DBT: variants seen among roughly 807,000 people sequenced by gnomAD.
DBT encodes dihydrolipoamide branched chain transacylase E2.
In DBT, 40 loss-of-function variants were observed where a neutral mutation model predicts 51.3. The ratio of observed to expected loss-of-function variants is 0.78; its 90% CI spans 0.61 to 1.02. The LOEUF is 1.02. Ranked by LOEUF, DBT falls within the 50% of genes least tolerant of loss-of-function variation. The pLI is 0.00. For synonymous variants in DBT, 181 were observed against 190.4 expected, an observed-to-expected ratio of 0.95 and a Z score of 0.41; for missense variants, 510 against 580.2, an observed-to-expected ratio of 0.88 and a Z score of 1.24.
Position 100,249,782 on chromosome 1 carries a change from A to T in DBT, c.39T>A (p.Asn13Lys), listed in dbSNP as rs1431500513. The change falls in exon 1 of 11, where the codon AAT becomes AAA. Residue 13 changes from asparagine to lysine, a missense_variant. Transcript: ENST00000370132. The stretch of plus-strand genomic sequence containing the variant: ...CAAACGTGCTTACCAGCTTCCCCGC[A>T]TTCCTGCTCCAGGTTCTCAGCATAC... ...AVRMLRTWSR[N>K]AGKLICVRYF... 2 of 1,614,058 alleles carry T rather than the reference A, an allele frequency of 1.2e-6. No homozygotes were observed. The highest frequency in any genetic ancestry group is 1.7e-6 in the Non-Finnish European group (2 of 1,180,030).
At chr1:100,220,452 ATCT>A (rs1047418603) in intron 4 of DBT, among the ~76,000 whole-genome samples, 2 of 152,184 alleles carry the variant, frequency 1.3e-5, no homozygotes, top group African/African-American at 2.4e-5. Flanking sequence ...GTAAATAAAA[ATCT>A]TCTACTACTG....
Position 100,226,091 on chromosome 1 carries a change from C to T in DBT, c.433+4642G>A, listed in dbSNP as rs539487464. Among the ~76,000 whole-genome samples the T allele has an allele frequency of 4.3e-4, 65 of 152,220 alleles. 1 individual carries two copies. Among genetic ancestry groups the T allele is most frequent in the Admixed American group, 1.6e-3 (24 of 15,292 alleles). ...TAGATAACTTAAATTGGTATCTAAT[C>T]TGGTTTCCAGCTTGGACATTCTAAT... On this transcript the variant is annotated intron_variant, in intron 4 of 10. Coordinates refer to ENST00000370132, the MANE Select transcript of DBT (RefSeq NM_001918.5).
chr1:100,231,304 G>C (rs914275843), intron 3 of DBT, among the ~76,000 whole-genome samples: 1 of 152,136 alleles, frequency 6.6e-6, no homozygotes. Flanking sequence ...AGTTTAAAAA[G>C]TGATGTCCTC....
In DBT at chr1:100,196,241, TG is replaced by T. The variant is rs1202737602; in HGVS notation, c.*13del. The T allele has an allele frequency of 6.2e-7, 1 of 1,612,346 alleles. No individual in the cohort carries two copies. The stretch of plus-strand genomic sequence containing the variant: ...TTTGGAAGCTCAAAAAGTTCAAGAA[TG>T]TCTTATCAGTCTTCATTTCAGATCT... On this transcript the variant is annotated 3_prime_UTR_variant, in exon 11 of 11. Coordinates refer to ENST00000370132, the MANE Select transcript of DBT (RefSeq NM_001918.5).
intron 10 of DBT, among the ~76,000 whole-genome samples, chr1:100,200,578 AAGTGGGTCTCTGACCCCC>A (rs1292075969): frequency 6.6e-6 from 1 of 152,220 alleles, no homozygotes; most frequent in Admixed American, 6.5e-5. Flanking sequence ...CTGCCTCCTC[AAGTGGGTCTCTGACCCCC>A]ATGCCTCCTG....
chr1:100,249,249 A>G (rs982156427), intron 1 of DBT: 4 of 241,326 alleles, frequency 1.7e-5, no homozygotes, highest in African/African-American at 9.1e-5. Flanking sequence ...AAGGGTAGGA[A>G]TGATATGTGG....
At chr1:100,216,340 C>G in intron 5 of DBT, 141 bp from the exon 6 acceptor site, 1 of 682,168 alleles carries the variant, frequency 1.5e-6, no homozygotes, top group Non-Finnish European at 2.6e-6. Flanking sequence ...TCATTTTCTA[C>G]TTAAGTAATC....
Position 100,191,783 on chromosome 1 carries a change from CACACACACACACACACACACACACAG to C in DBT, c.*4446_*4471del, listed in dbSNP as rs1256999851. 6 of 42,686 alleles carry C rather than the reference CACACACACACACACACACACACACAG, an allele frequency of 1.4e-4. No homozygotes were observed. Among genetic ancestry groups the C allele is most frequent in the African/African-American group, 2.2e-4 (4 of 18,110 alleles). 2.6% of individuals were successfully genotyped at this position (42,686 alleles called of 1,614,324 possible). ...ACACACACACACACACACACACACACACACACACACACACACACACACACAGAGTCTTGCTCTGTCGCCCAGGCTGG... is the reference window on the plus strand; with the variant it reads ...ACACACACACACACACACACACACACAGTCTTGCTCTGTCGCCCAGGCTGG... On this transcript the variant is annotated 3_prime_UTR_variant, in exon 11 of 11. Coordinates refer to ENST00000370132, the MANE Select transcript of DBT (RefSeq NM_001918.5).
At chr1:100,197,430 G>A (rs1196819055) in intron 10 of DBT, among the ~76,000 whole-genome samples, 1 of 152,188 alleles carries the variant, frequency 6.6e-6, no homozygotes, top group African/African-American at 2.4e-5. Context: ...GAGGAAAGGA[G>A]CAGGAGCTCA....
At position 100,210,623 on chromosome 1, in the gene DBT, T is replaced by C. The variant is rs1662078640; in HGVS notation, c.1017+71A>G. The C allele has an allele frequency of 2.5e-6, 4 of 1,601,410 alleles. No individual in the cohort carries two copies. In the South Asian group the frequency reaches 4.5e-5, roughly 18 times the overall value. ...ATCACTATTTGAGGTACAATAGAAGTCTCTAATCTACAAGCACATTTGCCC... is the reference window on the plus strand; with the variant it reads ...ATCACTATTTGAGGTACAATAGAAGCCTCTAATCTACAAGCACATTTGCCC... On this transcript the variant is annotated intron_variant, in intron 8 of 10. Transcript: ENST00000370132.
At chr1:100,229,387 C>T (rs896900300) in intron 4 of DBT, among the ~76,000 whole-genome samples, 1 of 151,836 alleles carries the variant, frequency 6.6e-6, no homozygotes, top group South Asian at 2.1e-4. Flanking sequence ...AGGATGGTCT[C>T]GATCTCTTGA....
chr1:100,194,847 T>TAGA lies in DBT; in HGVS notation c.*1407_*1408insTCT, dbSNP rs1288158586. On this transcript the variant is annotated 3_prime_UTR_variant, in exon 11 of 11. Coordinates refer to ENST00000370132, the MANE Select transcript of DBT (RefSeq NM_001918.5). The stretch of plus-strand genomic sequence containing the variant: ...AAACCAAGTAGATATTAAAACAACC[T>TAGA]TTTTTCTGTCACAAAACTTCACTTA... 6.6e-6 allele frequency: 1 copy of TAGA among 152,186 alleles called. No homozygotes were observed. The highest frequency in any genetic ancestry group is 2.4e-5 in the African/African-American group (1 of 41,444). The allele number at this position is 152,186 out of a possible 1,614,324, so 9.4% of individuals were successfully genotyped here. A position where few individuals can be genotyped will look rare whatever the true frequency, so the allele number is the denominator to read the frequency against.
chr1:100,213,547 G>A lies in DBT; in HGVS notation c.939+1270C>T, dbSNP rs1249785464. The A allele has an allele frequency of 3.2e-6, 5 of 1,563,998 alleles. No individual in the cohort carries two copies. In the African/African-American group the frequency reaches 5.4e-5, roughly 17 times the overall value. On this transcript the variant is annotated intron_variant, in intron 7 of 10. Transcript: ENST00000370132. ...GCTGTCCCGTCTGCAGGGTCGGGGG[G>A]CTGCAGGACTGCTTCACCTTCCTGG...
At chr1:100,198,767 G>A (rs1661255856) in intron 10 of DBT, among the ~76,000 whole-genome samples, 1 of 152,130 alleles carries the variant, frequency 6.6e-6, no homozygotes, top group Non-Finnish European at 1.5e-5. Context: ...AGAAGGGAAA[G>A]TGGATGCCAG....
At chr1:100,218,936 G>GC (rs1553231091) in intron 4 of DBT, among the ~76,000 whole-genome samples, 189 bp from the exon 5 acceptor site, 1 of 150,840 alleles carries the variant, frequency 6.6e-6, no homozygotes, top group African/African-American at 2.4e-5. Flanking sequence ...GTAGAGTGGG[G>GC]GGGGGGGTGT....
intron 8 of DBT, among the ~76,000 whole-genome samples, chr1:100,207,128 T>C (rs375517422): frequency 6.6e-6 from 1 of 152,304 alleles, no homozygotes. Context: ...ATAGGCTATT[T>C]CCCAACATCG....
chr1:100,206,353 G>A (rs1326519752), intron 9 of DBT, 52 bp from the exon 10 acceptor site: 7 of 1,571,686 alleles, frequency 4.5e-6, no homozygotes, highest in Non-Finnish European at 5.2e-6. Flanking sequence ...GATTTTTCAG[G>A]GAACAAATGC....
At chr1:100,203,389 G>A (rs191335855) in intron 10 of DBT, among the ~76,000 whole-genome samples, 41 of 152,240 alleles carry the variant, frequency 2.7e-4, no homozygotes, top group African/African-American at 9.4e-4. Flanking sequence ...ACCCTCCCAA[G>A]ACTAAATCAG....
At chr1:100,197,527 T>G (rs1227595949) in intron 10 of DBT, among the ~76,000 whole-genome samples, 1 of 152,124 alleles carries the variant, frequency 6.6e-6, no homozygotes, top group Non-Finnish European at 1.5e-5. Context: ...AGTCTAGAGA[T>G]ATAAACCTGG....
Sources: allele counts gnomAD v4.1 joint callset (sites outside exome capture counted in the v4.1 genomes callset), GRCh38; gene constraint gnomAD v4.1.1; transcripts MANE v1.5; gene names NCBI Gene and HGNC (gene_info 2026-07-23, HGNC 2026-07-21).